SORCS1: variants seen among roughly 807,000 people sequenced by gnomAD.
SORCS1 encodes the protein sortilin related VPS10 domain containing receptor 1.
In SORCS1, 60 loss-of-function variants were observed where a neutral mutation model predicts 146.1. The ratio of observed to expected loss-of-function variants is 0.41; its 90% CI spans 0.33 to 0.51. The LOEUF is 0.51. SORCS1 is among the 20% of genes least tolerant of loss of function. The pLI is 0.21. For missense variants in SORCS1, 1,352 were observed against 1,487.6 expected, an observed-to-expected ratio of 0.91 and a Z score of 1.50; for synonymous variants, 637 against 584.0, an observed-to-expected ratio of 1.09 and a Z score of -1.31.
chr10:106,666,004 C>T (rs746554012), intron 17 of SORCS1, among the ~76,000 whole-genome samples: 41 of 152,112 alleles, frequency 2.7e-4, no homozygotes, highest in Non-Finnish European at 3.4e-4. Flanking sequence ...CCACACCTGG[C>T]TAATTTTTTG....
chr10:106,829,922 G>A (rs1199202226), intron 2 of SORCS1, among the ~76,000 whole-genome samples: 1 of 152,182 alleles, frequency 6.6e-6, no homozygotes, highest in Non-Finnish European at 1.5e-5. Flanking sequence ...ATTGCATAAA[G>A]AATGTGGTTA....
chr10:106,631,989 G>A (rs898660252), intron 18 of SORCS1, among the ~76,000 whole-genome samples: 9 of 152,170 alleles, frequency 5.9e-5, no homozygotes, highest in Non-Finnish European at 1.2e-4. Context: ...AAAGGATGGA[G>A]CTACTCAATG....
chr10:106,935,116 A>C (rs906941783), intron 2 of SORCS1, among the ~76,000 whole-genome samples: 1 of 152,166 alleles, frequency 6.6e-6, no homozygotes, highest in African/African-American at 2.4e-5. Context: ...AATTTTTGGA[A>C]TACCCACTTA....
At chr10:106,841,380 G>C (rs1401592602) in intron 2 of SORCS1, among the ~76,000 whole-genome samples, 1 of 152,034 alleles carries the variant, frequency 6.6e-6, no homozygotes, top group Non-Finnish European at 1.5e-5. Flanking sequence ...TGAGGTGGGA[G>C]AATTGCTTGA....
chr10:106,693,636 G>A (rs1246962354), intron 9 of SORCS1, among the ~76,000 whole-genome samples: 1 of 152,162 alleles, frequency 6.6e-6, no homozygotes, highest in East Asian at 1.9e-4. Context: ...GTTAGAATGT[G>A]CTAGGTGCTG....
Position 106,923,659 on chromosome 10 carries a change from C to T in SORCS1, c.626+32854G>A, listed in dbSNP as rs1306921831. The stretch of plus-strand genomic sequence containing the variant: ...GTCAGTGTCTTGGATTTTAGCCATC[C>T]TAATAAGTGTTAGTGGCTATCATTG... On this transcript the variant is annotated intron_variant, in intron 2 of 25. Transcript: ENST00000263054. Among the ~76,000 whole-genome samples, 24 of 152,162 alleles carry T rather than the reference C, an allele frequency of 1.6e-4. 1 individual carries two copies. Among genetic ancestry groups the T allele is most frequent in the Admixed American group, 1.6e-3 (24 of 15,274 alleles).
chr10:107,082,248 T>G (rs951625261), intron 1 of SORCS1, among the ~76,000 whole-genome samples: 4 of 152,156 alleles, frequency 2.6e-5, no homozygotes, highest in African/African-American at 9.7e-5. Flanking sequence ...GAGGTGAAAA[T>G]GAAATGGCCT....
chr10:107,105,981 T>C (rs1215333791), intron 1 of SORCS1, among the ~76,000 whole-genome samples: 2 of 152,128 alleles, frequency 1.3e-5, no homozygotes, highest in South Asian at 2.1e-4. Flanking sequence ...GAGAGAAGCA[T>C]AAAAAATAGT....
In SORCS1 at chr10:107,164,427, C is replaced by G; in HGVS notation, c.100G>C (p.Gly34Arg). Residue 34 changes from glycine to arginine, a missense_variant, in exon 1 of 26, where the codon GGC becomes CGC. By Grantham distance (125) the Gly-to-Arg change is moderately radical. Coordinates refer to ENST00000263054, the MANE Select transcript of SORCS1 (RefSeq NM_052918.5). This position sits in a 1 kb window ranked among gnomAD's most constrained non-coding sequence, Gnocchi z 6.8. ...TGCGGCGAGGGGCAGCAGGAGCCGC[C>G]GCCGCAGACGCCCGGGGCGCAGAGG... ...LILCAPGVCG[G>R]GSCCPSPHPS... is the part of the protein sequence containing the mutation. 1 of 1,408,952 alleles carries G rather than the reference C, an allele frequency of 7.1e-7. No homozygotes were observed. Among genetic ancestry groups the G allele is most frequent in the South Asian group, 1.6e-5 (1 of 63,130 alleles). 87.3% of individuals were successfully genotyped at this position (1,408,952 alleles called of 1,614,324 possible).
At chr10:106,698,214 A>G (rs1168371525) in intron 9 of SORCS1, among the ~76,000 whole-genome samples, 1 of 152,232 alleles carries the variant, frequency 6.6e-6, no homozygotes, top group Admixed American at 6.5e-5. Flanking sequence ...GAAAGGAATT[A>G]CAATGATAGG....
rs1950061895 is a variant in SORCS1, at chr10:106,862,709, G to A, written c.627-33036C>T. The stretch of plus-strand genomic sequence containing the variant: ...GCCTGTAATCCCAGCACTTTGGGAG[G>A]CCGAGACAGGCGGATCATGAGGTCA... On this transcript the variant is annotated intron_variant, in intron 2 of 25. Transcript: ENST00000263054. Among the ~76,000 whole-genome samples, 3 of 147,082 alleles carry A rather than the reference G, an allele frequency of 2.0e-5. No homozygotes were observed. The South Asian group carries it at 6.4e-4, about 31-fold the overall frequency.
At chr10:106,863,842 G>C (rs1950121591) in intron 2 of SORCS1, among the ~76,000 whole-genome samples, 1 of 151,462 alleles carries the variant, frequency 6.6e-6, no homozygotes, top group South Asian at 2.1e-4. Flanking sequence ...AAGTAATACA[G>C]GAAAAGCTGC....
intron 1 of SORCS1, among the ~76,000 whole-genome samples, chr10:106,976,333 G>GTTTTTTTTTTGT (rs757120275): frequency 0.18 from 20,451 of 113,516 alleles, 2,358 homozygotes; most frequent in South Asian, 0.26. Flanking sequence ...AGGTTTTTTT[G>GTTTTTTTTTTGT]TTTTTTTTTT....
At chr10:106,600,514 T>G in intron 23 of SORCS1, 2 of 985,160 alleles carry the variant, frequency 2.0e-6, no homozygotes, top group Non-Finnish European at 2.4e-6. Flanking sequence ...TGACAGATTT[T>G]GACAATATTT....
chr10:106,722,008 G>A (rs1855813074), intron 6 of SORCS1, among the ~76,000 whole-genome samples: 1 of 151,780 alleles, frequency 6.6e-6, no homozygotes, highest in Non-Finnish European at 1.5e-5. Flanking sequence ...CACTAAATTT[G>A]CCACAACAAT....
intron 1 of SORCS1, among the ~76,000 whole-genome samples, chr10:107,012,909 TC>T (rs1957747781): frequency 6.6e-6 from 1 of 152,214 alleles, no homozygotes; most frequent in Non-Finnish European, 1.5e-5. Context: ...AGCTATGAAC[TC>T]CACTAAGATG....
intron 22 of SORCS1, among the ~76,000 whole-genome samples, chr10:106,610,408 A>G (rs1280213785): frequency 6.6e-6 from 1 of 152,108 alleles, no homozygotes; most frequent in South Asian, 2.1e-4. Flanking sequence ...CGGTTTCAAC[A>G]TCGTAAGCTT....
At chr10:106,806,361 C>G (rs1345630629) in intron 3 of SORCS1, among the ~76,000 whole-genome samples, 1 of 112,046 alleles carries the variant, frequency 8.9e-6, no homozygotes, top group Non-Finnish European at 2.1e-5. Context: ...GAGTGAGACT[C>G]CTCCTCAAAA....
rs951544766 is a variant in SORCS1 at position 106,574,905 on chromosome 10, C to T, written c.*2515G>A. 3.3e-5 allele frequency: 5 copies of T among 152,556 alleles called. No homozygotes were observed. The highest frequency in any genetic ancestry group is 1.2e-4 in the African/African-American group (5 of 41,420). The allele number at this position is 152,556 out of a possible 1,614,324, so 9.5% of individuals were successfully genotyped here. A position where few individuals can be genotyped will look rare whatever the true frequency, so the allele number is the denominator to read the frequency against. On this transcript the variant is annotated 3_prime_UTR_variant, in exon 26 of 26. Transcript: ENST00000263054. The stretch of plus-strand genomic sequence containing the variant: ...AAAATGCCAGGTATCTCATGTCGAC[C>T]TCTATTTTTAATTAGGATTTACAGC...
Sources: allele counts gnomAD v4.1 joint callset (sites outside exome capture counted in the v4.1 genomes callset), GRCh38; gene constraint gnomAD v4.1.1; non-coding constraint Gnocchi (gnomAD v3.1); transcripts MANE v1.5; gene names NCBI Gene and HGNC (gene_info 2026-07-23, HGNC 2026-07-21).